Variants in P4HA1 observed in about 807,000 individuals in gnomAD.
P4HA1 encodes prolyl 4-hydroxylase subunit alpha 1, also known as prolyl 4-hydroxylase subunit alpha-1.
P4HA1 carries 24 observed loss-of-function variants against 72.8 expected under a neutral mutation model. The observed-to-expected ratio is 0.33, with a 90% CI of 0.24 to 0.46. P4HA1 has a LOEUF of 0.46. Ranked by LOEUF, P4HA1 falls within the 20% of genes least tolerant of loss-of-function variation. The pLI is 1.00. For missense variants in P4HA1, 446 were observed against 640.6 expected, an observed-to-expected ratio of 0.70 and a Z score of 3.28; for synonymous variants, 201 against 218.8, an observed-to-expected ratio of 0.92 and a Z score of 0.72.
At position 73,064,649 on chromosome 10, in the gene P4HA1, T is replaced by C. The variant is rs536954142; in HGVS notation, c.463+4197A>G. Among the ~76,000 whole-genome samples, 137 of 152,216 alleles carry C rather than the reference T, an allele frequency of 9.0e-4. 1 individual carries two copies. The highest frequency in any genetic ancestry group is 3.4e-3 in the Middle Eastern group (1 of 294). ...TGAGGTCAAGAGCTGAAAACCAGCC[T>C]GGCTGACACGGTGAAACCTCATCTC... On this transcript the variant is annotated intron_variant, in intron 5 of 14. Coordinates refer to ENST00000394890, the MANE Select transcript of P4HA1 (RefSeq NM_001017962.3).
At position 73,040,477 on chromosome 10, in the gene P4HA1, T is replaced by TA. The variant is rs1307351219; in HGVS notation, c.1148+4503_1148+4504insT. Among the ~76,000 whole-genome samples the TA allele has an allele frequency of 3.4e-3, 388 of 114,122 alleles. 10 individuals are homozygous for TA. Among genetic ancestry groups the TA allele is most frequent in the African/African-American group, 0.013 (364 of 28,362 alleles). The allele number at this position is 114,122 out of a possible 152,430, so 74.9% of individuals were successfully genotyped here. ...TCTTCCAAAACATCGAATTCATGAA[T>TA]TTTTTTTTTTTTTTTTTTGAGATGG... is the stretch of plus-strand genomic sequence containing the variant. On this transcript the variant is annotated intron_variant, in intron 9 of 14. Coordinates refer to ENST00000394890, the MANE Select transcript of P4HA1 (RefSeq NM_001017962.3).
At chr10:73,079,513 G>C (rs1352917358) in intron 1 of P4HA1, among the ~76,000 whole-genome samples, 1 of 152,182 alleles carries the variant, frequency 6.6e-6, no homozygotes, top group Non-Finnish European at 1.5e-5. Flanking sequence ...AGGCCAAGGT[G>C]GATGGATCAC....
intron 6 of P4HA1, among the ~76,000 whole-genome samples, chr10:73,051,479 G>T (rs1841017474): frequency 6.6e-6 from 1 of 152,132 alleles, no homozygotes; most frequent in South Asian, 2.1e-4. Context: ...ACAGTTCTGG[G>T]CCAGGCCTGG....
intron 10 of P4HA1, among the ~76,000 whole-genome samples, chr10:73,028,601 T>G (rs188345173): frequency 2.0e-5 from 3 of 152,000 alleles, no homozygotes; most frequent in Non-Finnish European, 4.4e-5. Flanking sequence ...CCAGCTAATT[T>G]TTTTGTATTT....
Position 73,008,188 on chromosome 10 carries a change from G to A in P4HA1, c.*34C>T. On this transcript the variant is annotated 3_prime_UTR_variant, in exon 15 of 15. Coordinates refer to ENST00000394890, the MANE Select transcript of P4HA1 (RefSeq NM_001017962.3). ...AAATGTGTATATCAGACACATAAGAGTACAACAATAGGAGAAAAAGGGAAG... is the reference window on the plus strand; with the variant it reads ...AAATGTGTATATCAGACACATAAGAATACAACAATAGGAGAAAAAGGGAAG... 7.3e-7 allele frequency: 1 copy of A among 1,372,718 alleles called. No individual in the cohort carries two copies. The highest frequency in any genetic ancestry group is 1.0e-6 in the Non-Finnish European group (1 of 962,150). 85.0% of individuals were successfully genotyped at this position (1,372,718 alleles called of 1,614,324 possible). A position where few individuals can be genotyped will look rare whatever the true frequency, so the allele number is the denominator to read the frequency against.
chr10:73,089,710 TAAA>T (rs10700344), intron 1 of P4HA1, among the ~76,000 whole-genome samples: 7 of 95,860 alleles, frequency 7.3e-5, no homozygotes, highest in South Asian at 2.9e-4. Flanking sequence ...TTCCCCGTGC[TAAA>T]AAAAAAAAAA....
chr10:73,064,148 CTT>C (rs1368181101), intron 5 of P4HA1, among the ~76,000 whole-genome samples: 1 of 152,084 alleles, frequency 6.6e-6, no homozygotes, highest in African/African-American at 2.4e-5. Flanking sequence ...ACTAAAGAGT[CTT>C]TTAATTTATT....
At position 73,066,897 on chromosome 10, in the gene P4HA1, G is replaced by A. The variant is rs569914638; in HGVS notation, c.463+1949C>T. On this transcript the variant is annotated intron_variant, in intron 5 of 14. Transcript: ENST00000394890. ...TTTCCTAAGACATCCGTAGCCATGCGGAACTGTGAGTCAATTAAACCTCTT... is the reference window on the plus strand; with the variant it reads ...TTTCCTAAGACATCCGTAGCCATGCAGAACTGTGAGTCAATTAAACCTCTT... Among the ~76,000 whole-genome samples, 95 of 152,176 alleles carry A rather than the reference G, an allele frequency of 6.2e-4. 1 individual carries two copies. The South Asian group carries it at 0.012, about 19-fold the overall frequency.
chr10:73,029,415 CAA>C (rs769323241), intron 10 of P4HA1, among the ~76,000 whole-genome samples: 830 of 56,934 alleles, frequency 0.015, 7 homozygotes, highest in African/African-American at 0.035. Context: ...GACTCCATCT[CAA>C]AAAAAAAAAA....
chr10:73,042,224 G>A (rs1022047613), intron 9 of P4HA1, among the ~76,000 whole-genome samples: 2 of 152,134 alleles, frequency 1.3e-5, no homozygotes, highest in Non-Finnish European at 2.9e-5. Flanking sequence ...CAAAAGGGCA[G>A]GTGGTGTTAT....
At chr10:73,045,925 T>C (rs1840850701) in intron 8 of P4HA1, among the ~76,000 whole-genome samples, 1 of 148,036 alleles carries the variant, frequency 6.8e-6, no homozygotes, top group Non-Finnish European at 1.5e-5. Flanking sequence ...CTAAAAGAAA[T>C]TCTAACTTCA....
At chr10:73,021,910 A>G (rs1237444801) in intron 10 of P4HA1, among the ~76,000 whole-genome samples, 2 of 152,178 alleles carry the variant, frequency 1.3e-5, no homozygotes, top group East Asian at 3.9e-4. Flanking sequence ...TCTGAGATGG[A>G]CCTGAGAGGT....
intron 10 of P4HA1, among the ~76,000 whole-genome samples, chr10:73,023,567 G>A (rs769127434): frequency 6.6e-6 from 1 of 152,166 alleles, no homozygotes; most frequent in Non-Finnish European, 1.5e-5. Flanking sequence ...GACCATCGAT[G>A]CTATGAAGAA....
chr10:73,007,316 CTT>C lies in P4HA1; in HGVS notation c.*904_*905del, dbSNP rs1306291046. 4 of 152,460 alleles carry C rather than the reference CTT, an allele frequency of 2.6e-5. No individual in the cohort carries two copies. Among genetic ancestry groups the C allele is most frequent in the Non-Finnish European group, 5.9e-5 (4 of 67,990 alleles). 9.4% of individuals were successfully genotyped at this position (152,460 alleles called of 1,614,324 possible). ...ACATTTTGGCTTTCTAAGAAAAAGA[CTT>C]TTAAAAAAAATCAATTCCCTCATCA... On this transcript the variant is annotated 3_prime_UTR_variant, in exon 15 of 15. Coordinates refer to ENST00000394890, the MANE Select transcript of P4HA1 (RefSeq NM_001017962.3).
chr10:73,090,219 C>A (rs1842000975), intron 1 of P4HA1, among the ~76,000 whole-genome samples: 1 of 151,486 alleles, frequency 6.6e-6, no homozygotes, highest in African/African-American at 2.4e-5. Flanking sequence ...GAAGACTCAA[C>A]CTCCCCAGCT....
intron 4 of P4HA1, among the ~76,000 whole-genome samples, chr10:73,070,035 C>T (rs1333965188): frequency 6.6e-6 from 1 of 151,470 alleles, no homozygotes; most frequent in African/African-American, 2.4e-5. Flanking sequence ...GTCTCCAACT[C>T]CTGGTCTCAA....
At chr10:73,011,728 G>C (rs2133030432) in intron 12 of P4HA1, among the ~76,000 whole-genome samples, 1 of 152,180 alleles carries the variant, frequency 6.6e-6, no homozygotes, top group South Asian at 2.1e-4. Context: ...AGACTGATTA[G>C]ATCACAGAGC....
chr10:73,008,373 C>T, intron 14 of P4HA1, 81 bp from the exon 15 acceptor site: 1 of 882,774 alleles, frequency 1.1e-6, no homozygotes, highest in East Asian at 2.5e-5. Context: ...AGGTCTATAA[C>T]AAAGTTTCAT....
At position 73,092,346 on chromosome 10, in the gene P4HA1, CTTTT is replaced by C. The variant is rs1157972087; in HGVS notation, c.-33+4416_-33+4419del. On this transcript the variant is annotated intron_variant, in intron 1 of 14. Coordinates refer to ENST00000394890, the MANE Select transcript of P4HA1 (RefSeq NM_001017962.3). ...ATTGTAAATAATTTTTTTTTCTTTT[CTTTT>C]TTTTTTTTTTTTTTTTAGAGACAGG... 8.6e-4 allele frequency among the ~76,000 whole-genome samples: 97 copies of C among 112,356 alleles called. 1 individual carries two copies. Among genetic ancestry groups the C allele is most frequent in the South Asian group, 6.0e-3 (21 of 3,516 alleles). 73.7% of individuals were successfully genotyped at this position (112,356 alleles called of 152,430 possible).
Sources: gnomAD v4.1 joint callset for allele counts (sites outside exome capture counted in the v4.1 genomes callset) on GRCh38, gnomAD v4.1.1 for gene constraint, MANE v1.5 for transcripts, NCBI Gene and HGNC (gene_info 2026-07-23, HGNC 2026-07-21) for gene names.